Variants in OSBPL8 observed in about 807,000 individuals in gnomAD.
The protein encoded by OSBPL8 is oxysterol-binding protein-related protein 8.
Under a neutral mutation model 125.5 loss-of-function variants are expected in OSBPL8, and 59 were observed. The ratio of observed to expected loss-of-function variants is 0.47; its 90% CI spans 0.38 to 0.58. The LOEUF (loss-of-function observed/expected upper bound fraction) is 0.58. Among genes scored for constraint, OSBPL8 ranks in the 20% least tolerant of loss-of-function variants. OSBPL8 has a pLI of 0.00. For missense variants in OSBPL8, 758 were observed against 1,047.8 expected (o/e 0.72, Z 3.82); for synonymous variants, 330 against 338.9 (o/e 0.97, Z 0.29).
At chr12:76,433,029 T>C (rs1871030480) in intron 4 of OSBPL8, among the ~76,000 whole-genome samples, 1 of 152,170 alleles carries the variant, frequency 6.6e-6, no homozygotes, top group African/African-American at 2.4e-5. Flanking sequence ...ATTCAACATC[T>C]ATTCATAACA....
chr12:76,450,854 G>A lies in OSBPL8; in HGVS notation c.214C>T (p.Gln72Ter). 6.2e-7 allele frequency: 1 copy of A among 1,608,528 alleles called. No homozygotes were observed. Among genetic ancestry groups the A allele is most frequent in the Non-Finnish European group, 8.5e-7 (1 of 1,177,352 alleles). ...CATGAAAACCACAACTTCCTACCCT[G>A]GCTATGAGGACTTGCTGGACTAAGA... is the stretch of plus-strand genomic sequence containing the variant. ...PSLSPASPHS[Q>*]GFERGKEDIS... Residue 72 changes from glutamine (Q) to a stop codon, truncating the protein, a stop_gained, in exon 4 of 24, where the codon CAG becomes TAG. Coordinates refer to ENST00000261183, the MANE Select transcript of OSBPL8 (RefSeq NM_020841.5). LOFTEE classifies it high-confidence loss of function.
At chr12:76,522,792 T>C (rs552511516) in intron 1 of OSBPL8, among the ~76,000 whole-genome samples, 1 of 152,298 alleles carries the variant, frequency 6.6e-6, no homozygotes, top group Middle Eastern at 3.4e-3. Context: ...CTAAGACATA[T>C]GATAAATAGA....
Position 76,397,727 on chromosome 12 carries a change from G to A in OSBPL8, c.639C>T (p.Phe213=). Residue 213 remains phenylalanine, a synonymous_variant, in exon 8 of 24, where the codon TTC becomes TTT. Coordinates refer to ENST00000261183, the MANE Select transcript of OSBPL8 (RefSeq NM_020841.5). ...CCCAAATAGATTGCTCCAAAGGATGGAAAAGTTTGAAACAAAAGCCATCCT... is the reference window on the plus strand; with the variant it reads ...CCCAAATAGATTGCTCCAAAGGATGAAAAAGTTTGAAACAAAAGCCATCCT... ...SKKDGFCFKL[F]HPLEQSIWAV... The A allele has an allele frequency of 6.2e-7, 1 of 1,614,016 alleles. No homozygotes were observed. Among genetic ancestry groups the A allele is most frequent in the South Asian group, 1.1e-5 (1 of 91,074 alleles).
chr12:76,432,177 TA>T (rs1870912260), intron 4 of OSBPL8, among the ~76,000 whole-genome samples: 2 of 151,986 alleles, frequency 1.3e-5, no homozygotes, highest in South Asian at 4.1e-4. Flanking sequence ...AAAAAGGAAT[TA>T]AAAGAGAAAT....
At chr12:76,456,528 T>C (rs182643096) in intron 3 of OSBPL8, among the ~76,000 whole-genome samples, 31 of 152,096 alleles carry the variant, frequency 2.0e-4, no homozygotes, top group Admixed American at 1.8e-3. Flanking sequence ...TGCACGCCTG[T>C]AATCCCAGCT....
chr12:76,375,471 T>C (rs773127012), intron 16 of OSBPL8, 101 bp from the exon 17 acceptor site: 1 of 740,462 alleles, frequency 1.4e-6, no homozygotes, highest in Non-Finnish European at 2.2e-6. Context: ...GAAACATAAT[T>C]CAAAATCACT....
intron 4 of OSBPL8, among the ~76,000 whole-genome samples, chr12:76,445,916 C>G (rs36008790): frequency 0.22 from 32,812 of 152,054 alleles, 3,772 homozygotes; most frequent in Non-Finnish European, 0.26. Context: ...AAATACTCGA[C>G]TCAAAGTTTG....
rs574709804 is a variant in OSBPL8, at chr12:76,357,903, A to T, written c.2434+803T>A. On this transcript the variant is annotated intron_variant, in intron 22 of 23. Coordinates refer to ENST00000261183, the MANE Select transcript of OSBPL8 (RefSeq NM_020841.5). ...CAAACATCACTTTAATCCTTTCATG[A>T]TTATATCTCAATGTAGTTCAAGATA... is the stretch of plus-strand genomic sequence containing the variant. Among the ~76,000 whole-genome samples, 6 of 151,280 alleles carry T rather than the reference A, an allele frequency of 4.0e-5. 1 individual carries two copies. The South Asian group carries it at 1.3e-3, about 32-fold the overall frequency.
Position 76,373,244 on chromosome 12 carries a change from G to T in OSBPL8, c.1917+100C>A, listed in dbSNP as rs185578182. On this transcript the variant is annotated intron_variant, in intron 18 of 23. Transcript: ENST00000261183. ...TAAGATGAAGCTTATGTTAAATAGT[G>T]ATGTTTTCAGCAACGGAATAAGTTT... 55 of 699,710 alleles carry T rather than the reference G, an allele frequency of 7.9e-5. No homozygotes were observed. In the African/African-American group the frequency reaches 8.4e-4, roughly 11 times the overall value. The allele number at this position is 699,710 out of a possible 1,614,324, so 43.3% of individuals were successfully genotyped here. A position where few individuals can be genotyped will look rare whatever the true frequency, so the allele number is the denominator to read the frequency against.
intron 1 of OSBPL8, among the ~76,000 whole-genome samples, chr12:76,549,442 G>A (rs931357428): frequency 3.9e-5 from 6 of 152,082 alleles, no homozygotes; most frequent in African/African-American, 4.8e-5. Flanking sequence ...CTTTTGAGAC[G>A]GAGTCTCACC....
chr12:76,377,738 C>A (rs1565840679), intron 16 of OSBPL8, among the ~76,000 whole-genome samples: 3 of 152,102 alleles, frequency 2.0e-5, no homozygotes, highest in Admixed American at 6.6e-5. Flanking sequence ...TAAACTGATG[C>A]AAAATAGTTG....
intron 1 of OSBPL8, among the ~76,000 whole-genome samples, chr12:76,508,687 CCTCA>C (rs990768925): frequency 1.6e-4 from 25 of 152,304 alleles, no homozygotes; most frequent in African/African-American, 6.0e-4. Context: ...CTCTGGTCAT[CCTCA>C]CTGTTTATTA....
intron 10 of OSBPL8, among the ~76,000 whole-genome samples, chr12:76,390,943 C>T (rs143328653): frequency 0.011 from 1,719 of 152,186 alleles, 34 homozygotes; most frequent in African/African-American, 0.039. Context: ...CCACTTGGGG[C>T]TAAAATCCTC....
chr12:76,533,033 T>A (rs896197167), intron 1 of OSBPL8, among the ~76,000 whole-genome samples: 1 of 152,218 alleles, frequency 6.6e-6, no homozygotes, highest in Non-Finnish European at 1.5e-5. Context: ...AACACATTTG[T>A]AACCAAAATA....
chr12:76,459,821 A>G (rs1444862619), intron 3 of OSBPL8, 38 bp downstream of exon 3: 2 of 1,611,178 alleles, frequency 1.2e-6, no homozygotes, highest in Admixed American at 1.7e-5. Flanking sequence ...AAATATTATC[A>G]TGTCCCCAAA....
chr12:76,534,611 T>C (rs1296836847), intron 1 of OSBPL8, among the ~76,000 whole-genome samples: 1 of 152,154 alleles, frequency 6.6e-6, no homozygotes, highest in African/African-American at 2.4e-5. Flanking sequence ...TGGCAACATC[T>C]TGGAAAGCAG....
At chr12:76,528,062 C>T (rs1045108234) in intron 1 of OSBPL8, among the ~76,000 whole-genome samples, 1 of 152,176 alleles carries the variant, frequency 6.6e-6, no homozygotes, top group Non-Finnish European at 1.5e-5. Flanking sequence ...GTGGCTCACA[C>T]CTGTAATCCC....
intron 14 of OSBPL8, among the ~76,000 whole-genome samples, chr12:76,385,777 ATTAAT>A (rs1953284061): frequency 1.3e-5 from 2 of 152,152 alleles, no homozygotes; most frequent in African/African-American, 2.4e-5. Flanking sequence ...CTAGAAAGGT[ATTAAT>A]TTGAGATAAA....
rs1951207593 is a variant in OSBPL8, at chr12:76,559,413, G to A, written c.-84C>T. 1.3e-5 allele frequency: 2 copies of A among 152,406 alleles called. No individual in the cohort carries two copies. The highest frequency in any genetic ancestry group is 4.1e-4 in the South Asian group (2 of 4,836). The allele number at this position is 152,406 out of a possible 1,614,324, so 9.4% of individuals were successfully genotyped here. On this transcript the variant is annotated 5_prime_UTR_variant, in exon 1 of 24. Transcript: ENST00000261183. The stretch of plus-strand genomic sequence containing the variant: ...AACACTCACCCGTGCGGAGCTCCCA[G>A]GGAGGCGGGACGCAAGGAGCCGGTT...
Sources: allele counts gnomAD v4.1 joint callset (sites outside exome capture counted in the v4.1 genomes callset), GRCh38; gene constraint gnomAD v4.1.1; transcripts MANE v1.5; gene names NCBI Gene and HGNC (gene_info 2026-07-23, HGNC 2026-07-21).